The following CADM2 variants were observed in gnomAD, a reference collection of about 807,000 sequenced individuals.
The protein encoded by CADM2 is immunoglobulin superfamily member 4D.
A neutral mutation model predicts 49.8 loss-of-function variants in CADM2; 12 were observed. That is an observed-to-expected ratio of 0.24 (90% CI 0.15 to 0.39). The LOEUF is 0.39. Among genes scored for constraint, CADM2 ranks in the 10% least tolerant of loss-of-function variants. CADM2 has a pLI of 1.00. For synonymous variants in CADM2, 214 were observed against 175.4 expected, an observed-to-expected ratio of 1.22 and a Z score of -1.74; for missense variants, 378 against 492.3, an observed-to-expected ratio of 0.77 and a Z score of 2.20.
chr3:85,207,098 A>G (rs1043916590), intron 1 of CADM2, among the ~76,000 whole-genome samples: 5 of 150,868 alleles, frequency 3.3e-5, no homozygotes, highest in African/African-American at 4.9e-5. Context: ...ATGCATACAC[A>G]TGACAATAGC....
At chr3:85,212,698 A>G (rs1467844717) in intron 1 of CADM2, among the ~76,000 whole-genome samples, 1 of 151,998 alleles carries the variant, frequency 6.6e-6, no homozygotes, top group Non-Finnish European at 1.5e-5. Context: ...TTTTAGAAAG[A>G]TAAAACCACT....
chr3:84,975,856 A>G (rs2031785998), intron 1 of CADM2, among the ~76,000 whole-genome samples: 1 of 151,880 alleles, frequency 6.6e-6, no homozygotes, highest in East Asian at 1.9e-4. Flanking sequence ...AAGTGAATGC[A>G]CTGCTAGACC....
intron 8 of CADM2, among the ~76,000 whole-genome samples, chr3:86,064,605 G>T (rs528002618): frequency 2.0e-5 from 3 of 152,002 alleles, no homozygotes; most frequent in African/African-American, 4.8e-5. Flanking sequence ...GGTATTTCTA[G>T]TTCTAGATCC....
intron 1 of CADM2, among the ~76,000 whole-genome samples, chr3:85,342,394 A>C (rs2029962388): frequency 6.6e-6 from 1 of 152,088 alleles, no homozygotes; most frequent in South Asian, 2.1e-4. Context: ...GAATTATATA[A>C]AATATTTTGA....
intron 5 of CADM2, among the ~76,000 whole-genome samples, chr3:85,889,709 T>C (rs924725371): frequency 6.6e-6 from 1 of 152,094 alleles, no homozygotes; most frequent in East Asian, 1.9e-4. Context: ...TAGATATTAT[T>C]ATCATTATCA....
chr3:84,980,164 C>T (rs186511462), intron 1 of CADM2, among the ~76,000 whole-genome samples: 5 of 152,132 alleles, frequency 3.3e-5, no homozygotes, highest in South Asian at 2.1e-4. Context: ...AAGGTCAGTC[C>T]TCAGACTAAT....
chr3:84,989,679 T>C (rs986669336), intron 1 of CADM2, among the ~76,000 whole-genome samples: 10 of 152,102 alleles, frequency 6.6e-5, no homozygotes, highest in African/African-American at 2.4e-4. Flanking sequence ...CTCACTAAAT[T>C]GCATGAGATT....
chr3:85,159,858 A>G (rs1441711346), intron 1 of CADM2, among the ~76,000 whole-genome samples: 1 of 152,202 alleles, frequency 6.6e-6, no homozygotes, highest in African/African-American at 2.4e-5. Flanking sequence ...TTCAAGTGTC[A>G]TATGAAAATT....
intron 1 of CADM2, among the ~76,000 whole-genome samples, chr3:85,115,603 T>C (rs1254832441): frequency 2.0e-5 from 3 of 152,322 alleles, no homozygotes; most frequent in South Asian, 4.1e-4. Context: ...AACAGGTGAT[T>C]TAACCTTTCT....
intron 2 of CADM2, among the ~76,000 whole-genome samples, chr3:85,760,140 A>G (rs1247710214): frequency 2.6e-5 from 4 of 152,144 alleles, no homozygotes; most frequent in Non-Finnish European, 4.4e-5. Flanking sequence ...TGCTAGATAT[A>G]TGAAGTTTTC....
At chr3:85,165,686 T>C (rs894795524) in intron 1 of CADM2, among the ~76,000 whole-genome samples, 10 of 151,852 alleles carry the variant, frequency 6.6e-5, no homozygotes, top group African/African-American at 2.4e-4. Flanking sequence ...TTATATATAC[T>C]GAAGAAGTTG....
intron 2 of CADM2, among the ~76,000 whole-genome samples, chr3:85,766,260 A>G (rs1004966671): frequency 6.6e-6 from 1 of 152,078 alleles, no homozygotes; most frequent in Non-Finnish European, 1.5e-5. Context: ...CCTAGAGTAT[A>G]TGTGCTCTAG....
intron 1 of CADM2, among the ~76,000 whole-genome samples, chr3:85,627,868 A>G (rs1174154976): frequency 6.6e-6 from 1 of 152,088 alleles, no homozygotes; most frequent in Non-Finnish European, 1.5e-5. Context: ...GCGAGCAATC[A>G]AATCTGGTCC....
chr3:84,996,315 G>A (rs1402256699), intron 1 of CADM2, among the ~76,000 whole-genome samples: 1 of 151,986 alleles, frequency 6.6e-6, no homozygotes, highest in African/African-American at 2.4e-5. Context: ...TTATGGTTAT[G>A]AAGAAACAAT....
chr3:85,134,709 T>C (rs567716234), intron 1 of CADM2, among the ~76,000 whole-genome samples: 1 of 152,286 alleles, frequency 6.6e-6, no homozygotes, highest in African/African-American at 2.4e-5. Flanking sequence ...AGCTAATCGA[T>C]TGTCCACCAA....
chr3:85,799,265 T>C (rs556968923), intron 2 of CADM2, among the ~76,000 whole-genome samples: 13 of 152,188 alleles, frequency 8.5e-5, no homozygotes, highest in Non-Finnish European at 1.6e-4. Context: ...CCTTTATTTC[T>C]TTCTCTCGCC....
chr3:86,014,343 C>A (rs1194341008), intron 8 of CADM2: 46 of 1,395,482 alleles, frequency 3.3e-5, no homozygotes, highest in Non-Finnish European at 4.3e-5. Flanking sequence ...TCTCCAGGGG[C>A]AAACCTCTGA....
chr3:85,202,329 A>G (rs2107748575), intron 1 of CADM2, among the ~76,000 whole-genome samples: 1 of 152,268 alleles, frequency 6.6e-6, no homozygotes, highest in East Asian at 1.9e-4. Context: ...ATAGCTATCT[A>G]TGGAAGCTAA....
intron 1 of CADM2, among the ~76,000 whole-genome samples, chr3:85,568,425 T>TC (rs2062345899): frequency 7.0e-5 from 2 of 28,452 alleles, no homozygotes; most frequent in African/African-American, 2.2e-4. Context: ...CTTTCTTTCT[T>TC]TCTTTCTTTC....
Sources: allele counts gnomAD v4.1 joint callset (sites outside exome capture counted in the v4.1 genomes callset), GRCh38; gene constraint gnomAD v4.1.1; transcripts MANE v1.5; gene names NCBI Gene and HGNC (gene_info 2026-07-23, HGNC 2026-07-21).